The following DGAT2 variants were observed in gnomAD, a reference collection of about 807,000 sequenced individuals.
DGAT2 encodes diacylglycerol O-acyltransferase 2, also known as acyl-CoA retinol O-fatty-acyltransferase.
Under a neutral mutation model 48.4 loss-of-function variants are expected in DGAT2, and 33 were observed. That is an observed-to-expected ratio of 0.68 (90% CI 0.52 to 0.91). The LOEUF (loss-of-function observed/expected upper bound fraction) is 0.91. DGAT2 is among the 40% of genes least tolerant of loss of function. DGAT2 has a pLI of 0.00. For synonymous variants in DGAT2, 191 were observed against 194.1 expected (o/e 0.98, Z 0.13); for missense variants, 446 against 493.7 (o/e 0.90, Z 0.92).
In DGAT2 at chr11:75,800,597, G is replaced by A; in HGVS notation, c.*89G>A. ...TTGGAAGTGTCATGGGTGTCTGTGG[G>A]TTATTTAAAAGAAATTATAACAATT... On this transcript the variant is annotated 3_prime_UTR_variant, in exon 8 of 8. Transcript: ENST00000228027. 2.1e-6 allele frequency: 3 copies of A among 1,440,206 alleles called. No individual in the cohort carries two copies. The highest frequency in any genetic ancestry group is 2.8e-6 in the Non-Finnish European group (3 of 1,075,326). The allele number at this position is 1,440,206 out of a possible 1,614,324, so 89.2% of individuals were successfully genotyped here.
chr11:75,797,600 C>G (rs1365569159), intron 6 of DGAT2, among the ~76,000 whole-genome samples: 1 of 152,190 alleles, frequency 6.6e-6, no homozygotes, highest in Non-Finnish European at 1.5e-5. Context: ...GACTGGACCA[C>G]CTGGGGCCAG....
chr11:75,798,129 G>A, intron 6 of DGAT2, 98 bp from the exon 7 acceptor site: 1 of 1,260,458 alleles, frequency 7.9e-7, no homozygotes. Flanking sequence ...ACCCAGCTGG[G>A]GGAGGGGGAT....
At chr11:75,789,849 G>C (rs532170614) in intron 2 of DGAT2, among the ~76,000 whole-genome samples, 2 of 152,328 alleles carry the variant, frequency 1.3e-5, no homozygotes, top group Non-Finnish European at 2.9e-5. Flanking sequence ...CTGGGTGCTG[G>C]CATGGGGGCG....
intron 2 of DGAT2, among the ~76,000 whole-genome samples, chr11:75,789,837 G>A (rs2135773251): frequency 6.6e-6 from 1 of 152,304 alleles, no homozygotes; most frequent in South Asian, 2.1e-4. Context: ...ACAGTGTCTG[G>A]GCTGGGTGCT....
intron 1 of DGAT2, among the ~76,000 whole-genome samples, chr11:75,773,001 A>G (rs908592164): frequency 5.3e-5 from 8 of 152,206 alleles, no homozygotes; most frequent in African/African-American, 1.9e-4. Context: ...AAACAAAACA[A>G]AAAGAACAAA....
At chr11:75,777,120 G>A (rs995046666) in intron 1 of DGAT2, among the ~76,000 whole-genome samples, 4 of 152,120 alleles carry the variant, frequency 2.6e-5, no homozygotes, top group Non-Finnish European at 5.9e-5. Context: ...TTGGGGTTGG[G>A]GATGTGGGCA....
intron 3 of DGAT2, 42 bp downstream of exon 3, chr11:75,790,337 A>G: frequency 6.7e-7 from 1 of 1,502,412 alleles, no homozygotes; most frequent in South Asian, 1.1e-5. Context: ...CATTCTAGGG[A>G]TGCTCTTCCC....
Position 75,796,320 on chromosome 11 carries a change from C to T in DGAT2, c.430-8C>T. Reference sequence around the variant, plus strand: ...CCAGTTTCCTCTGACCCAAGGTCATCCTTGCAGCTGGTGAAGACACACAAC... The same window carrying T: ...CCAGTTTCCTCTGACCCAAGGTCATTCTTGCAGCTGGTGAAGACACACAAC... On this transcript the variant is annotated splice_region_variant and splice_polypyrimidine_tract_variant and intron_variant, in intron 4 of 7. Coordinates refer to ENST00000228027, the MANE Select transcript of DGAT2 (RefSeq NM_032564.5). The T allele has an allele frequency of 6.2e-7, 1 of 1,612,558 alleles. No individual in the cohort carries two copies. Among genetic ancestry groups the T allele is most frequent in the South Asian group, 1.1e-5 (1 of 91,006 alleles).
At chr11:75,798,542 C>T (rs144475077) in intron 7 of DGAT2, 113 bp downstream of exon 7, 14 of 1,215,994 alleles carry the variant, frequency 1.2e-5, no homozygotes, top group Middle Eastern at 2.8e-4. Flanking sequence ...TGGCCATGCC[C>T]TTAGCCATGA....
intron 5 of DGAT2, 101 bp from the exon 6 acceptor site, chr11:75,797,057 C>A: frequency 1.6e-6 from 2 of 1,238,744 alleles, no homozygotes; most frequent in African/African-American, 1.5e-5. Flanking sequence ...AGGTCTGGGG[C>A]CCAGGTCCAG....
Position 75,797,246 on chromosome 11 carries a change from G to A in DGAT2, c.723G>A (p.Ala241=), listed in dbSNP as rs754872194. 1.6e-5 allele frequency: 25 copies of A among 1,583,124 alleles called. No homozygotes were observed. The highest frequency in any genetic ancestry group is 1.2e-4 in the Admixed American group (7 of 56,264). The part of the protein sequence containing the change: ...GNAIIIVVGG[A]AESLSSMPGK... ...CTATCATCATCGTGGTCGGGGGTGCGGCTGAGTCTCTGAGCTCCATGCCTG... is the reference window on the plus strand; with the variant it reads ...CTATCATCATCGTGGTCGGGGGTGCAGCTGAGTCTCTGAGCTCCATGCCTG... The change falls in exon 6 of 8, where the codon GCG becomes GCA. Residue 241 remains alanine, a synonymous_variant. Transcript: ENST00000228027.
At chr11:75,797,382 A>G in intron 6 of DGAT2, 50 bp downstream of exon 6, 2 of 1,380,080 alleles carry the variant, frequency 1.4e-6, no homozygotes, top group Non-Finnish European at 9.4e-7. Flanking sequence ...CCCTCAGCCC[A>G]GGGCAGCAGA....
intron 4 of DGAT2, 166 bp from the exon 5 acceptor site, chr11:75,796,162 G>A: frequency 1.5e-6 from 1 of 666,862 alleles, no homozygotes; most frequent in East Asian, 2.5e-5. Flanking sequence ...CACCAGCACT[G>A]TGGCCCTGGG....
intron 5 of DGAT2, chr11:75,796,945 A>C: frequency 2.0e-6 from 1 of 504,508 alleles, no homozygotes; most frequent in Non-Finnish European, 3.4e-6. Flanking sequence ...TGAGTTCCCA[A>C]AACAACCTTG....
At chr11:75,794,513 A>G (rs1945026802) in intron 4 of DGAT2, 1 of 152,254 alleles carries the variant, frequency 6.6e-6, no homozygotes, top group Non-Finnish European at 1.5e-5. Flanking sequence ...TCACAAAAGC[A>G]ATCAGATATG....
chr11:75,775,652 T>C (rs1013322320), intron 1 of DGAT2, among the ~76,000 whole-genome samples: 2 of 152,158 alleles, frequency 1.3e-5, no homozygotes, highest in Non-Finnish European at 2.9e-5. Flanking sequence ...TGCCTCCCTG[T>C]TTCTCTACTT....
intron 5 of DGAT2, chr11:75,796,743 A>G: frequency 1.7e-6 from 1 of 587,448 alleles, no homozygotes. Context: ...CATCTTCCCT[A>G]GGAGGCCTTC....
intron 7 of DGAT2, among the ~76,000 whole-genome samples, chr11:75,799,897 C>T (rs1410017805): frequency 2.0e-5 from 3 of 152,086 alleles, no homozygotes; most frequent in African/African-American, 4.8e-5. Context: ...GAATTACAGG[C>T]GTGAGCCACC....
intron 4 of DGAT2, chr11:75,794,928 TCCCCTCCCCTCCCC>T (rs1337532712): frequency 2.6e-4 from 3 of 11,556 alleles, no homozygotes; most frequent in Non-Finnish European, 4.2e-4. Flanking sequence ...TCCCCTCCCC[TCCCCTCCCCTCCCC>T]CTCCTCCGTT....
Sources: gnomAD v4.1 joint callset for allele counts (sites outside exome capture counted in the v4.1 genomes callset) on GRCh38, gnomAD v4.1.1 for gene constraint, MANE v1.5 for transcripts, NCBI Gene and HGNC (gene_info 2026-07-23, HGNC 2026-07-21) for gene names.